KAT6B: variants seen among roughly 807,000 people sequenced by gnomAD.
KAT6B encodes lysine acetyltransferase 6B, also known as histone acetyltransferase KAT6B.
In KAT6B, 10 loss-of-function variants were observed where a neutral mutation model predicts 187.5. That is an observed-to-expected ratio of 0.05 (90% CI 0.03 to 0.09). The LOEUF is 0.09. Among genes scored for constraint, KAT6B ranks in the 10% least tolerant of loss-of-function variants. KAT6B has a pLI of 1.00. For missense variants in KAT6B, 1,952 were observed against 2,558.9 expected (o/e 0.76, Z 5.12); for synonymous variants, 861 against 926.8 (o/e 0.93, Z 1.29).
chr10:75,020,358 T>A (rs1845304588), intron 13 of KAT6B, among the ~76,000 whole-genome samples: 1 of 152,242 alleles, frequency 6.6e-6, no homozygotes, highest in South Asian at 2.1e-4. Flanking sequence ...ATGCTGCTGC[T>A]AGCTGCGTGA....
intron 8 of KAT6B, 195 bp from the exon 9 acceptor site, chr10:74,977,121 A>G: frequency 2.0e-6 from 1 of 497,756 alleles, no homozygotes; most frequent in Non-Finnish European, 3.6e-6. Context: ...ATAAATTCAA[A>G]TAAAAATTTG....
At chr10:74,830,359 A>T (rs948400104) in intron 1 of KAT6B, among the ~76,000 whole-genome samples, 5 of 152,152 alleles carry the variant, frequency 3.3e-5, no homozygotes, top group African/African-American at 1.2e-4. Flanking sequence ...TATACCTGTC[A>T]TCTGGTGCCC....
At chr10:74,955,389 C>CG (rs1554832528) in intron 3 of KAT6B, among the ~76,000 whole-genome samples, 1 of 143,870 alleles carries the variant, frequency 7.0e-6, no homozygotes, top group Non-Finnish European at 1.5e-5. Flanking sequence ...TTTATCCCCC[C>CG]CCCCCCAACT....
At chr10:74,951,110 T>C (rs1265232725) in intron 3 of KAT6B, among the ~76,000 whole-genome samples, 1 of 151,654 alleles carries the variant, frequency 6.6e-6, no homozygotes, top group Non-Finnish European at 1.5e-5. Context: ...TCCTTCTTTT[T>C]CTTTTTTTTT....
Position 74,982,146 on chromosome 10 carries a change from A to G in KAT6B, c.2373+218A>G. ...AGAATCCCTACTTCATCACATTAAC[A>G]TTTTTGTCTTCCCCAAAATCCCTGT... On this transcript the variant is annotated intron_variant, in intron 11 of 17. Transcript: ENST00000287239. 10 of 519,052 alleles carry G rather than the reference A, an allele frequency of 1.9e-5. No individual in the cohort carries two copies. The South Asian group carries it at 2.1e-4, about 11-fold the overall frequency. The allele number at this position is 519,052 out of a possible 1,614,324, so 32.2% of individuals were successfully genotyped here.
intron 3 of KAT6B, among the ~76,000 whole-genome samples, chr10:74,931,632 T>C (rs1848883761): frequency 6.6e-6 from 1 of 152,262 alleles, no homozygotes; most frequent in Non-Finnish European, 1.5e-5. Flanking sequence ...TAAAGCTGTT[T>C]ACCATACCTT....
rs577594383 is a variant in KAT6B, at chr10:74,902,186, C to T, written c.622-57784C>T. 3.2e-4 allele frequency among the ~76,000 whole-genome samples: 49 copies of T among 152,298 alleles called. 1 individual carries two copies. Among genetic ancestry groups the T allele is most frequent in the African/African-American group, 1.1e-3 (46 of 41,556 alleles). ...ACTAATCATTTCTGTTCTCTCATGC[C>T]ATCAGTTTGCAGGGGCTCTTGGTAG... On this transcript the variant is annotated intron_variant, in intron 3 of 17. Transcript: ENST00000287239.
intron 7 of KAT6B, among the ~76,000 whole-genome samples, chr10:74,974,067 C>A (rs1482929125): frequency 6.6e-6 from 1 of 152,132 alleles, no homozygotes; most frequent in Non-Finnish European, 1.5e-5. Context: ...CAATCGATTC[C>A]AGATACAATC....
chr10:74,965,955 C>T (rs11001227), intron 4 of KAT6B, among the ~76,000 whole-genome samples: 19,612 of 151,214 alleles, frequency 0.13, 2,084 homozygotes, highest in South Asian at 0.28. Context: ...CAGGATGGTC[C>T]TGATCTCCTG....
intron 12 of KAT6B, among the ~76,000 whole-genome samples, chr10:74,985,468 C>CT (rs1177569070): frequency 6.6e-6 from 1 of 152,222 alleles, no homozygotes; most frequent in South Asian, 2.1e-4. Flanking sequence ...TGATGACACT[C>CT]TAATTGCTGC....
At chr10:74,887,620 C>T (rs974689855) in intron 3 of KAT6B, among the ~76,000 whole-genome samples, 1 of 152,130 alleles carries the variant, frequency 6.6e-6, no homozygotes, top group Non-Finnish European at 1.5e-5. Flanking sequence ...CCACCATGCC[C>T]AGCCTGGTCT....
At chr10:74,898,406 T>C (rs1846133327) in intron 3 of KAT6B, among the ~76,000 whole-genome samples, 1 of 152,148 alleles carries the variant, frequency 6.6e-6, no homozygotes, top group African/African-American at 2.4e-5. Flanking sequence ...ACTGGTTTTG[T>C]TTTTTCTAAC....
At chr10:74,871,838 G>A (rs895660429) in intron 3 of KAT6B, among the ~76,000 whole-genome samples, 4 of 152,202 alleles carry the variant, frequency 2.6e-5, no homozygotes, top group Non-Finnish European at 5.9e-5. Flanking sequence ...ATACAAGAAA[G>A]CCTGGAGCTG....
intron 3 of KAT6B, among the ~76,000 whole-genome samples, chr10:74,846,554 T>G: frequency 6.6e-6 from 1 of 152,204 alleles, no homozygotes; most frequent in East Asian, 1.9e-4. Flanking sequence ...TTTCCTTGCC[T>G]TAACTTCCCG....
chr10:74,831,291 C>A (rs189333562), intron 1 of KAT6B, among the ~76,000 whole-genome samples: 44 of 152,170 alleles, frequency 2.9e-4, no homozygotes, highest in African/African-American at 1.0e-3. Context: ...TTTATGGTGT[C>A]TTTTAATGAA....
At chr10:74,890,697 A>G (rs1401394928) in intron 3 of KAT6B, among the ~76,000 whole-genome samples, 1 of 152,232 alleles carries the variant, frequency 6.6e-6, no homozygotes, top group Non-Finnish European at 1.5e-5. Flanking sequence ...TGAGAATGCC[A>G]AGTTTAGAAA....
chr10:74,926,192 G>A (rs181858818), intron 3 of KAT6B, among the ~76,000 whole-genome samples: 116 of 152,292 alleles, frequency 7.6e-4, no homozygotes, highest in Non-Finnish European at 1.3e-3. Context: ...AGTGGCTCAC[G>A]CCTATAATCC....
intron 13 of KAT6B, among the ~76,000 whole-genome samples, chr10:74,990,196 C>CAAAAAAAA (rs56300641): frequency 1.8e-4 from 7 of 39,418 alleles, no homozygotes; most frequent in East Asian, 8.6e-4. Flanking sequence ...GACTCTGTCT[C>CAAAAAAAA]AAAAAAAAAA....
At chr10:75,015,832 G>GA (rs1415942449) in intron 13 of KAT6B, among the ~76,000 whole-genome samples, 1 of 152,238 alleles carries the variant, frequency 6.6e-6, no homozygotes, top group African/African-American at 2.4e-5. Flanking sequence ...TGGAAGTTGG[G>GA]AGTGAGTAGC....
Sources: gnomAD v4.1 joint callset for allele counts (sites outside exome capture counted in the v4.1 genomes callset) on GRCh38, gnomAD v4.1.1 for gene constraint, MANE v1.5 for transcripts, NCBI Gene and HGNC (gene_info 2026-07-23, HGNC 2026-07-21) for gene names.